The following SREK1IP1 variants were observed in gnomAD, a reference collection of about 807,000 sequenced individuals.
SREK1IP1 encodes protein SREK1IP1.
Under a neutral mutation model 22.8 loss-of-function variants are expected in SREK1IP1, and 12 were observed. The observed-to-expected ratio is 0.53, with a 90% confidence interval of 0.34 to 0.85. SREK1IP1 has a LOEUF of 0.85. Ranked by LOEUF, SREK1IP1 falls within the 40% of genes least tolerant of loss-of-function variation. The probability of loss-of-function intolerance (pLI) is 0.02; values close to 1 mark genes in which losing one functional copy is unlikely to be tolerated. For missense variants in SREK1IP1, 147 were observed against 171.8 expected (o/e 0.86, Z 0.81); for synonymous variants, 53 against 52.7 (o/e 1.01, Z -0.02).
At chr5:64,727,802 C>G (rs1742301173) in intron 4 of SREK1IP1, 2 of 169,362 alleles carry the variant, frequency 1.2e-5, no homozygotes, top group African/African-American at 4.8e-5. Context: ...CCTGCCTTGA[C>G]CTCTCAAAGT....
intron 2 of SREK1IP1, among the ~76,000 whole-genome samples, chr5:64,751,221 CTT>C (rs1742735015): frequency 6.6e-6 from 1 of 152,186 alleles, no homozygotes; most frequent in African/African-American, 2.4e-5. Flanking sequence ...GCTACATGCT[CTT>C]GTTTCTTCTG....
chr5:64,737,493 G>A (rs1246230711), intron 3 of SREK1IP1, among the ~76,000 whole-genome samples: 3 of 133,564 alleles, frequency 2.2e-5, no homozygotes, highest in Non-Finnish European at 3.1e-5. Flanking sequence ...GCCAAGTGAA[G>A]TGGTTCATAC....
intron 1 of SREK1IP1, among the ~76,000 whole-genome samples, chr5:64,765,287 A>G (rs1217564588): frequency 6.6e-6 from 1 of 152,236 alleles, no homozygotes; most frequent in Non-Finnish European, 1.5e-5. Flanking sequence ...CTATGGAAAC[A>G]CGGGTGAAGC....
At chr5:64,741,231 G>A (rs1384219597) in intron 2 of SREK1IP1, 31 bp from the exon 3 acceptor site, 3 of 1,589,146 alleles carry the variant, frequency 1.9e-6, no homozygotes, top group Non-Finnish European at 2.6e-6. Context: ...AAATGTGAGT[G>A]ATAAAACTAT....
chr5:64,734,896 C>T (rs1311032733), intron 3 of SREK1IP1, among the ~76,000 whole-genome samples: 1 of 151,936 alleles, frequency 6.6e-6, no homozygotes, highest in Admixed American at 6.6e-5. Flanking sequence ...AATCTGGATG[C>T]CTTTATTTTT....
At chr5:64,754,482 T>G in intron 1 of SREK1IP1, 120 bp from the exon 2 acceptor site, 1 of 902,708 alleles carries the variant, frequency 1.1e-6, no homozygotes, top group Non-Finnish European at 1.7e-6. Context: ...TTTTTGTTGT[T>G]GAGACAAGGT....
intron 3 of SREK1IP1, 55 bp downstream of exon 3, chr5:64,740,997 GATATA>G (rs1258117047): frequency 3.6e-5 from 52 of 1,445,404 alleles, no homozygotes; most frequent in Non-Finnish European, 1.8e-5. Flanking sequence ...TGGAAAGCAT[GATATA>G]ATATGACAGA....
chr5:64,763,510 C>G (rs992796460), intron 1 of SREK1IP1, among the ~76,000 whole-genome samples: 7 of 151,828 alleles, frequency 4.6e-5, no homozygotes, highest in Non-Finnish European at 1.0e-4. Flanking sequence ...GCACTCCAGC[C>G]TGGGCGACAG....
At chr5:64,731,363 A>T (rs1222298400) in intron 3 of SREK1IP1, among the ~76,000 whole-genome samples, 2 of 151,924 alleles carry the variant, frequency 1.3e-5, no homozygotes, top group African/African-American at 4.8e-5. Flanking sequence ...AAGAAAAAAA[A>T]AATTAGCCAG....
chr5:64,736,955 A>C (rs1742474113), intron 3 of SREK1IP1, among the ~76,000 whole-genome samples: 1 of 150,438 alleles, frequency 6.6e-6, no homozygotes, highest in African/African-American at 2.5e-5. Flanking sequence ...TTTCAGAATA[A>C]CTACTGCAAA....
rs371665942 is a variant in SREK1IP1, at chr5:64,738,327, G to A, written c.205+2730C>T. 3.9e-5 allele frequency among the ~76,000 whole-genome samples: 6 copies of A among 152,212 alleles called. No individual in the cohort carries two copies. In the South Asian group the frequency reaches 8.3e-4, roughly 21 times the overall value. ...AAGAAAGGAAGGCTAAAAATCAAAT[G>A]AATATTTCAATAGATGCAGAAAGAG... On this transcript the variant is annotated intron_variant, in intron 3 of 4. Transcript: ENST00000513458.
Position 64,724,233 on chromosome 5 carries a change from G to T in SREK1IP1, c.*151C>A. ...AGTTACAGCACATTAAAAATATATT[G>T]CCAGAGGGATAATGGTCCCAAATAC... On this transcript the variant is annotated 3_prime_UTR_variant, in exon 5 of 5. Transcript: ENST00000513458. The T allele has an allele frequency of 1.6e-6, 1 of 628,706 alleles. No individual in the cohort carries two copies. Among genetic ancestry groups the T allele is most frequent in the Non-Finnish European group, 2.7e-6 (1 of 372,998 alleles). The allele number at this position is 628,706 out of a possible 1,614,324, so 38.9% of individuals were successfully genotyped here. A position where few individuals can be genotyped will look rare whatever the true frequency, so the allele number is the denominator to read the frequency against.
At chr5:64,727,281 G>A (rs1218144739) in intron 4 of SREK1IP1, among the ~76,000 whole-genome samples, 10 of 143,236 alleles carry the variant, frequency 7.0e-5, no homozygotes, top group East Asian at 3.9e-4. Context: ...ATGCTAGTAT[G>A]AATGAAACTG....
intron 3 of SREK1IP1, among the ~76,000 whole-genome samples, chr5:64,738,198 A>G (rs543652847): frequency 6.6e-6 from 1 of 152,328 alleles, no homozygotes; most frequent in South Asian, 2.1e-4. Context: ...AACCAAACTT[A>G]GCAGCACATT....
intron 2 of SREK1IP1, among the ~76,000 whole-genome samples, chr5:64,742,493 T>C (rs547502215): frequency 7.9e-5 from 12 of 152,352 alleles, no homozygotes; most frequent in Admixed American, 6.5e-4. Flanking sequence ...CCAAGGCTAA[T>C]GGTGATCAAA....
At chr5:64,729,301 GGCAAAGATA>G (rs1211411057) in intron 3 of SREK1IP1, among the ~76,000 whole-genome samples, 1 of 152,146 alleles carries the variant, frequency 6.6e-6, no homozygotes, top group Non-Finnish European at 1.5e-5. Flanking sequence ...AAAATTAACA[GGCAAAGATA>G]GCATTCTAAG....
intron 3 of SREK1IP1, among the ~76,000 whole-genome samples, chr5:64,730,652 T>C (rs961011253): frequency 6.6e-6 from 1 of 152,184 alleles, no homozygotes; most frequent in African/African-American, 2.4e-5. Flanking sequence ...TCTCATTTGG[T>C]GTCTTCTATT....
intron 3 of SREK1IP1, among the ~76,000 whole-genome samples, chr5:64,731,532 A>C (rs1388864648): frequency 6.6e-6 from 1 of 151,694 alleles, no homozygotes; most frequent in African/African-American, 2.4e-5. Flanking sequence ...AAAAAAAAAA[A>C]AAAAAAGAGG....
chr5:64,755,299 A>G (rs1322768631), intron 1 of SREK1IP1, among the ~76,000 whole-genome samples: 1 of 152,182 alleles, frequency 6.6e-6, no homozygotes, highest in African/African-American at 2.4e-5. Flanking sequence ...CAGCAAAGAC[A>G]TGGAATCAAC....
Sources: gnomAD v4.1 joint callset for allele counts (sites outside exome capture counted in the v4.1 genomes callset) on GRCh38, gnomAD v4.1.1 for gene constraint, MANE v1.5 for transcripts, NCBI Gene and HGNC (gene_info 2026-07-23, HGNC 2026-07-21) for gene names.